Variants in ATP6V0A4 observed in about 807,000 individuals in gnomAD.
ATP6V0A4 encodes the protein V-type proton ATPase 116 kDa subunit a 4.
Under a neutral mutation model 107.3 loss-of-function variants are expected in ATP6V0A4, and 86 were observed. That is an observed-to-expected ratio of 0.80 (90% CI 0.67 to 0.96). The LOEUF (loss-of-function observed/expected upper bound fraction) is 0.96, where lower values mean the gene tolerates loss of function less well. Among genes scored for constraint, ATP6V0A4 ranks in the 40% least tolerant of loss-of-function variants. ATP6V0A4 has a pLI of 0.00. For synonymous variants in ATP6V0A4, 353 were observed against 381.4 expected (o/e 0.93, Z 0.87); for missense variants, 908 against 1,045.6 (o/e 0.87, Z 1.81).
At chr7:138,765,483 T>C (rs1327882535) in intron 5 of ATP6V0A4, among the ~76,000 whole-genome samples, 1 of 152,228 alleles carries the variant, frequency 6.6e-6, no homozygotes, top group African/African-American at 2.4e-5. Context: ...CAGGGCAGTT[T>C]CTGAGGGGAT....
intron 21 of ATP6V0A4, among the ~76,000 whole-genome samples, chr7:138,707,336 AAT>A (rs1554386004): frequency 2.2e-4 from 15 of 66,790 alleles, no homozygotes; most frequent in African/African-American, 3.9e-4. Context: ...TTATATTTAT[AAT>A]ATATATATTA....
Position 138,712,118 on chromosome 7 carries a change from GA to G in ATP6V0A4, c.2258-2324del, listed in dbSNP as rs557103506. Among the ~76,000 whole-genome samples, 74 of 152,202 alleles carry G rather than the reference GA, an allele frequency of 4.9e-4. 1 individual carries two copies. The highest frequency in any genetic ancestry group is 1.8e-3 in the African/African-American group (74 of 41,554). ...CAGCTAATTTTATATTTTTAGTAGA[GA>G]GGGGGTTTTACCATGTTGGCCAGGC... On this transcript the variant is annotated intron_variant, in intron 20 of 21. Coordinates refer to ENST00000310018, the MANE Select transcript of ATP6V0A4 (RefSeq NM_020632.3).
At chr7:138,797,272 G>A (rs1171449246) in intron 1 of ATP6V0A4, among the ~76,000 whole-genome samples, 1 of 148,014 alleles carries the variant, frequency 6.8e-6, no homozygotes, top group Admixed American at 6.7e-5. Flanking sequence ...TGGAATGCAG[G>A]GTCAGGAGCA....
chr7:138,739,454 G>A, intron 15 of ATP6V0A4, 86 bp downstream of exon 15: 1 of 1,490,056 alleles, frequency 6.7e-7, no homozygotes, highest in Non-Finnish European at 9.3e-7. Flanking sequence ...TGATTTGACA[G>A]GCTTTGTTGG....
intron 5 of ATP6V0A4, among the ~76,000 whole-genome samples, chr7:138,764,608 A>C (rs1806996035): frequency 6.6e-6 from 1 of 152,172 alleles, no homozygotes; most frequent in African/African-American, 2.4e-5. Context: ...GTAGTGGGGA[A>C]GGGTTGGCAG....
Position 138,732,921 on chromosome 7 carries a change from A to T in ATP6V0A4, c.1864T>A (p.Phe622Ile). 2 of 1,613,838 alleles carry T rather than the reference A, an allele frequency of 1.2e-6. No individual in the cohort carries two copies. The highest frequency in any genetic ancestry group is 1.7e-6 in the Non-Finnish European group (2 of 1,179,798). Residue 622 changes from phenylalanine to isoleucine, a missense_variant, in exon 17 of 22, where the codon TTT becomes ATT. Phe to Ile is a conservative substitution (Grantham distance 21). Coordinates refer to ENST00000310018, the MANE Select transcript of ATP6V0A4 (RefSeq NM_020632.3). ...ILIHFINMFL[F>I]NYSDSSNAPL... is the part of the protein sequence containing the mutation. Reference sequence around the variant, plus strand: ...GCGTTGGAAGAGTCACTGTAGTTAAACAGAAACATGTTGATGAAGTGGATG... The same window carrying T: ...GCGTTGGAAGAGTCACTGTAGTTAATCAGAAACATGTTGATGAAGTGGATG...
At chr7:138,745,516 T>C (rs1805870160) in intron 13 of ATP6V0A4, among the ~76,000 whole-genome samples, 1 of 151,588 alleles carries the variant, frequency 6.6e-6, no homozygotes, top group Non-Finnish European at 1.5e-5. Flanking sequence ...ACAAAAACCA[T>C]ATAGGCAAAA....
chr7:138,780,042 GTGACCCAAATTTTCA>G (rs1487895304), intron 2 of ATP6V0A4: 2 of 152,186 alleles, frequency 1.3e-5, no homozygotes, highest in Non-Finnish European at 2.9e-5. Context: ...ACCTGGTGGA[GTGACCCAAATTTTCA>G]TTCCTGAAGA....
In ATP6V0A4 at chr7:138,768,933, A is replaced by G. The variant is rs112804642; in HGVS notation, c.197-59T>C. On this transcript the variant is annotated intron_variant, in intron 4 of 21. Coordinates refer to ENST00000310018, the MANE Select transcript of ATP6V0A4 (RefSeq NM_020632.3). ...TGATTGTGTTTTCTCATAACTAAGAAATGAGGTCAAGCAAGACATGTGCCT... is the reference window on the plus strand; with the variant it reads ...TGATTGTGTTTTCTCATAACTAAGAGATGAGGTCAAGCAAGACATGTGCCT... 49 of 1,606,276 alleles carry G rather than the reference A, an allele frequency of 3.1e-5. 2 individuals carry two copies. In the African/African-American group the frequency reaches 4.0e-4, roughly 13 times the overall value.
At chr7:138,783,258 T>G (rs1808002394) in intron 2 of ATP6V0A4, among the ~76,000 whole-genome samples, 1 of 151,892 alleles carries the variant, frequency 6.6e-6, no homozygotes. Context: ...TGAGTTCTAG[T>G]TGGGAGATAC....
chr7:138,790,173 ATAT>A (rs1247103052), intron 1 of ATP6V0A4, among the ~76,000 whole-genome samples: 1 of 152,206 alleles, frequency 6.6e-6, no homozygotes, highest in Non-Finnish European at 1.5e-5. Context: ...ATATGTGTAT[ATAT>A]TACAAAACTG....
At chr7:138,766,090 T>C (rs73463954) in intron 5 of ATP6V0A4, among the ~76,000 whole-genome samples, 2,167 of 152,030 alleles carry the variant, frequency 0.014, 51 homozygotes, top group African/African-American at 0.047. Flanking sequence ...GCAAATAACA[T>C]TCAGAAGAAA....
At chr7:138,782,698 A>G (rs1415780576) in intron 2 of ATP6V0A4, among the ~76,000 whole-genome samples, 1 of 152,114 alleles carries the variant, frequency 6.6e-6, no homozygotes, top group Admixed American at 6.6e-5. Context: ...GTTACTGGGG[A>G]CCCCGTGGAT....
chr7:138,761,972 G>A (rs9642117), intron 7 of ATP6V0A4, among the ~76,000 whole-genome samples: 19,667 of 152,072 alleles, frequency 0.13, 1,573 homozygotes, highest in East Asian at 0.37. Context: ...GAGCCACCAC[G>A]CCCGGCTCCC....
At chr7:138,744,533 C>T (rs889123342) in intron 14 of ATP6V0A4, among the ~76,000 whole-genome samples, 3 of 151,114 alleles carry the variant, frequency 2.0e-5, no homozygotes, top group African/African-American at 7.3e-5. Flanking sequence ...CCACCGTGCC[C>T]AGCCTCTCAT....
chr7:138,733,345 C>T (rs779841322), intron 16 of ATP6V0A4, among the ~76,000 whole-genome samples: 9 of 144,050 alleles, frequency 6.2e-5, no homozygotes, highest in African/African-American at 2.1e-4. Context: ...CTAGAAGTAA[C>T]GTCTAAAGCA....
At chr7:138,751,110 TC>T (rs1486242849) in intron 11 of ATP6V0A4, among the ~76,000 whole-genome samples, 2 of 151,952 alleles carry the variant, frequency 1.3e-5, no homozygotes, top group African/African-American at 4.8e-5. Context: ...CCCAGCTAGT[TC>T]CCCATCGGCC....
intron 14 of ATP6V0A4, among the ~76,000 whole-genome samples, chr7:138,744,366 T>C (rs183517414): frequency 1.6e-4 from 24 of 151,476 alleles, no homozygotes; most frequent in Non-Finnish European, 3.2e-4. Context: ...GCCTCCTTAG[T>C]AGCTGGGATT....
At chr7:138,735,104 C>T (rs998661977) in intron 15 of ATP6V0A4, among the ~76,000 whole-genome samples, 2 of 152,036 alleles carry the variant, frequency 1.3e-5, no homozygotes, top group East Asian at 1.9e-4. Context: ...CAAATGATAT[C>T]GATGATACTG....
Sources: gnomAD v4.1 joint callset for allele counts (sites outside exome capture counted in the v4.1 genomes callset) on GRCh38, gnomAD v4.1.1 for gene constraint, MANE v1.5 for transcripts, NCBI Gene and HGNC (gene_info 2026-07-23, HGNC 2026-07-21) for gene names.